Variants in GSG1L observed in about 807,000 individuals in gnomAD.
GSG1L encodes the protein germ cell-specific gene 1-like protein.
GSG1L carries 24 observed loss-of-function variants against 42.1 expected under a neutral mutation model. That is an observed-to-expected ratio of 0.57 (90% confidence interval 0.41 to 0.80). GSG1L has a LOEUF of 0.80. Ranked by LOEUF, GSG1L falls within the 30% of genes least tolerant of loss-of-function variation. The probability of loss-of-function intolerance (pLI) is 0.00; values close to 1 mark genes in which losing one functional copy is unlikely to be tolerated. For missense variants in GSG1L, 445 were observed against 472.2 expected (o/e 0.94, Z 0.53); for synonymous variants, 215 against 203.5 (o/e 1.06, Z -0.48).
intron 3 of GSG1L, among the ~76,000 whole-genome samples, chr16:27,863,850 C>T (rs1050768238): frequency 2.0e-5 from 3 of 152,236 alleles, no homozygotes; most frequent in Admixed American, 6.5e-5. Context: ...TAAGCCTATA[C>T]CAGCTGTGTT....
At chr16:28,029,215 T>A (rs74016612) in intron 1 of GSG1L, among the ~76,000 whole-genome samples, 9,674 of 152,140 alleles carry the variant, frequency 0.064, 386 homozygotes, top group Admixed American at 0.12. Flanking sequence ...AAGAAACAAA[T>A]GAGAAAGTGC....
chr16:28,053,358 A>C (rs971141158), intron 1 of GSG1L, among the ~76,000 whole-genome samples: 3 of 152,174 alleles, frequency 2.0e-5, no homozygotes, highest in Admixed American at 1.3e-4. Context: ...TGTTATTATT[A>C]GCGTATTATT....
In GSG1L at chr16:27,790,752, T is replaced by C. The variant is rs1597452269; in HGVS notation, c.*618A>G. 6.5e-6 allele frequency: 1 copy of C among 152,914 alleles called. No homozygotes were observed. 9.5% of individuals were successfully genotyped at this position (152,914 alleles called of 1,614,324 possible). A position where few individuals can be genotyped will look rare whatever the true frequency, so the allele number is the denominator to read the frequency against. On this transcript the variant is annotated 3_prime_UTR_variant, in exon 7 of 7. Coordinates refer to ENST00000447459, the MANE Select transcript of GSG1L (RefSeq NM_001109763.2). ...TGTCCAGCCTGGGCTCTGTGCTCCC[T>C]CCCTGCCACCCTGCAGTGTCTGGCC...
At chr16:27,843,108 C>T (rs1179813965) in intron 4 of GSG1L, among the ~76,000 whole-genome samples, 2 of 152,228 alleles carry the variant, frequency 1.3e-5, no homozygotes, top group South Asian at 2.1e-4. Context: ...AGAAGAACAG[C>T]TGTCCTAGAG....
intron 1 of GSG1L, among the ~76,000 whole-genome samples, chr16:27,995,014 A>G (rs1232046927): frequency 6.6e-6 from 1 of 152,196 alleles, no homozygotes. Context: ...ATTGGCAGCC[A>G]AAGTTTCCCC....
At chr16:27,842,110 G>A (rs1397824670) in intron 4 of GSG1L, among the ~76,000 whole-genome samples, 1 of 112,306 alleles carries the variant, frequency 8.9e-6, no homozygotes, top group Non-Finnish European at 2.1e-5. Flanking sequence ...GATGTCGCGC[G>A]TGCCGAATTT....
intron 2 of GSG1L, among the ~76,000 whole-genome samples, chr16:27,887,110 C>T (rs550649148): frequency 5.3e-5 from 8 of 152,148 alleles, no homozygotes; most frequent in African/African-American, 1.7e-4. Flanking sequence ...CATGCACCAC[C>T]ATGCCCAGCT....
intron 3 of GSG1L, among the ~76,000 whole-genome samples, chr16:27,862,776 C>A (rs1377849457): frequency 2.0e-5 from 3 of 152,194 alleles, no homozygotes; most frequent in African/African-American, 7.2e-5. Flanking sequence ...TTCTCTTTAC[C>A]AACACCTACG....
intron 2 of GSG1L, among the ~76,000 whole-genome samples, chr16:27,957,183 T>C (rs2085015534): frequency 6.6e-6 from 1 of 152,130 alleles, no homozygotes; most frequent in South Asian, 2.1e-4. Flanking sequence ...ACCCAGTCTC[T>C]ACTAAAAATA....
chr16:27,803,036 A>G (rs1313069755), intron 6 of GSG1L, among the ~76,000 whole-genome samples: 1 of 151,858 alleles, frequency 6.6e-6, no homozygotes, highest in Admixed American at 6.6e-5. Context: ...AACTCCACAC[A>G]GACAAAGCAA....
chr16:27,869,531 CCT>C (rs1036614303), intron 3 of GSG1L, among the ~76,000 whole-genome samples: 3 of 141,896 alleles, frequency 2.1e-5, no homozygotes, highest in Non-Finnish European at 3.1e-5. Context: ...ATCTCTCTCT[CCT>C]CTCTCTCTGT....
intron 2 of GSG1L, among the ~76,000 whole-genome samples, chr16:27,958,130 A>G (rs1034191556): frequency 7.9e-5 from 12 of 152,088 alleles, no homozygotes; most frequent in Non-Finnish European, 1.3e-4. Context: ...CAGGCCAGGC[A>G]CGGTGGCTCA....
At chr16:28,017,411 G>C (rs1294376819) in intron 1 of GSG1L, among the ~76,000 whole-genome samples, 5 of 152,318 alleles carry the variant, frequency 3.3e-5, no homozygotes, top group Admixed American at 2.6e-4. Flanking sequence ...AAACTTCTTG[G>C]CGTTATCTAA....
At chr16:28,005,270 T>C (rs938485302) in intron 1 of GSG1L, among the ~76,000 whole-genome samples, 3 of 152,124 alleles carry the variant, frequency 2.0e-5, no homozygotes, top group Non-Finnish European at 4.4e-5. Flanking sequence ...TGCACCACCA[T>C]GCCCAGCTAA....
At chr16:27,913,913 A>G (rs1391761968) in intron 2 of GSG1L, among the ~76,000 whole-genome samples, 1 of 152,200 alleles carries the variant, frequency 6.6e-6, no homozygotes, top group South Asian at 2.1e-4. Flanking sequence ...AAAATATAGA[A>G]ATATGAGAAA....
At chr16:27,841,894 C>G (rs1162379401) in intron 4 of GSG1L, among the ~76,000 whole-genome samples, 1 of 152,142 alleles carries the variant, frequency 6.6e-6, no homozygotes, top group Non-Finnish European at 1.5e-5. Context: ...AGGAGAGAGC[C>G]AGGGCCTTCT....
At chr16:27,880,297 T>C (rs186027730) in intron 3 of GSG1L, among the ~76,000 whole-genome samples, 1 of 152,336 alleles carries the variant, frequency 6.6e-6, no homozygotes, top group East Asian at 1.9e-4. Context: ...GTTTATCTTC[T>C]CCTGGGCATG....
Position 27,947,014 on chromosome 16 carries a change from C to T in GSG1L, c.397+16142G>A, listed in dbSNP as rs374017960. Among the ~76,000 whole-genome samples, 12 of 152,162 alleles carry T rather than the reference C, an allele frequency of 7.9e-5. No individual in the cohort carries two copies. In the South Asian group the frequency reaches 1.2e-3, roughly 16 times the overall value. On this transcript the variant is annotated intron_variant, in intron 2 of 6. Coordinates refer to ENST00000447459, the MANE Select transcript of GSG1L (RefSeq NM_001109763.2). ...GAAGTCACTAAAAGGATCAACAGCA[C>T]GCCTGAGGCCCCACCACTAGAGAGC...
At chr16:28,031,772 C>T (rs1009270271) in intron 1 of GSG1L, among the ~76,000 whole-genome samples, 3 of 152,130 alleles carry the variant, frequency 2.0e-5, no homozygotes, top group African/African-American at 4.8e-5. Flanking sequence ...TAGTTAATGC[C>T]GCCTTATATA....
Sources: allele counts gnomAD v4.1 joint callset (sites outside exome capture counted in the v4.1 genomes callset), GRCh38; gene constraint gnomAD v4.1.1; transcripts MANE v1.5; gene names NCBI Gene and HGNC (gene_info 2026-07-23, HGNC 2026-07-21).